The following CKAP5 variants were observed in gnomAD, a reference collection of about 807,000 sequenced individuals.
The protein encoded by CKAP5 is cytoskeleton-associated protein 5.
Under a neutral mutation model 232.8 loss-of-function variants are expected in CKAP5, and 27 were observed. The observed-to-expected ratio is 0.12, with a 90% confidence interval of 0.09 to 0.16. The LOEUF is 0.16. Among genes scored for constraint, CKAP5 ranks in the 10% least tolerant of loss-of-function variants. The pLI, the probability that CKAP5 is intolerant of heterozygous loss-of-function variation, is 1.00. For missense variants in CKAP5, 1,838 were observed against 2,424.7 expected (o/e 0.76, Z 5.08); for synonymous variants, 785 against 841.1 (o/e 0.93, Z 1.16).
chr11:46,814,603 G>A (rs1309501759), intron 4 of CKAP5, among the ~76,000 whole-genome samples: 1 of 152,138 alleles, frequency 6.6e-6, no homozygotes, highest in African/African-American at 2.4e-5. Flanking sequence ...GACAGTACTT[G>A]GGGACAGGAT....
intron 42 of CKAP5, among the ~76,000 whole-genome samples, chr11:46,749,479 AT>A (rs2065046671): frequency 6.6e-6 from 1 of 151,188 alleles, no homozygotes; most frequent in South Asian, 2.1e-4. Context: ...AAAAAAAAAA[AT>A]CTATTTGAAA....
rs540564909 is a variant in CKAP5 at position 46,744,403 on chromosome 11, G to A, written c.5856+23C>T. ...TGCTTGTGACTACCCTCCCTGAACT[G>A]CACAGAAGAAAAGGAGCAGTACCTT... On this transcript the variant is annotated intron_variant, in intron 43 of 43. Coordinates refer to ENST00000529230, the MANE Select transcript of CKAP5 (RefSeq NM_001008938.4). The A allele has an allele frequency of 1.7e-4, 267 of 1,614,140 alleles. 3 individuals are homozygous for A. In the South Asian group the frequency reaches 2.8e-3, roughly 17 times the overall value.
intron 16 of CKAP5, among the ~76,000 whole-genome samples, chr11:46,785,672 G>A (rs559417248): frequency 5.4e-4 from 82 of 151,730 alleles, no homozygotes; most frequent in African/African-American, 1.9e-3. Flanking sequence ...TGCAATTATC[G>A]CCTGGCTCAT....
At chr11:46,792,664 C>T (rs1938763788) in intron 13 of CKAP5, among the ~76,000 whole-genome samples, 1 of 152,140 alleles carries the variant, frequency 6.6e-6, no homozygotes, top group Non-Finnish European at 1.5e-5. Flanking sequence ...TGATATTGTC[C>T]TACTTATCTT....
At chr11:46,760,107 T>G (rs1305601696) in intron 33 of CKAP5, among the ~76,000 whole-genome samples, 1 of 152,224 alleles carries the variant, frequency 6.6e-6, no homozygotes, top group Non-Finnish European at 1.5e-5. Context: ...TGTATTTTAA[T>G]TAGCCTTATC....
chr11:46,759,148 C>T, intron 34 of CKAP5, 105 bp from the exon 35 acceptor site: 1 of 1,502,512 alleles, frequency 6.7e-7, no homozygotes, highest in Non-Finnish European at 9.0e-7. Flanking sequence ...TTAACAACTG[C>T]TATCATTCAA....
chr11:46,774,124 C>T (rs879887426), intron 24 of CKAP5, among the ~76,000 whole-genome samples: 4 of 152,142 alleles, frequency 2.6e-5, no homozygotes, highest in African/African-American at 7.2e-5. Context: ...TACAAAACCC[C>T]ATCCTCTCAG....
At chr11:46,765,453 TAA>T (rs2065194708) in intron 27 of CKAP5, among the ~76,000 whole-genome samples, 197 bp from the exon 28 acceptor site, 1 of 152,246 alleles carries the variant, frequency 6.6e-6, no homozygotes, top group Admixed American at 6.5e-5. Flanking sequence ...AGAATATTCT[TAA>T]GTAACTGTTG....
chr11:46,764,997 A>T, intron 28 of CKAP5, 134 bp downstream of exon 28: 1 of 719,312 alleles, frequency 1.4e-6, no homozygotes, highest in Admixed American at 3.2e-5. Context: ...CCCATAAACT[A>T]AATAATATAA....
chr11:46,771,090 C>T (rs2065243740), intron 24 of CKAP5, 108 bp from the exon 25 acceptor site: 2 of 851,560 alleles, frequency 2.3e-6, no homozygotes, highest in Non-Finnish European at 3.6e-6. Context: ...TTAGCTTTCA[C>T]ACTATAACTT....
chr11:46,814,248 A>G (rs1939348440), intron 4 of CKAP5, among the ~76,000 whole-genome samples: 1 of 152,052 alleles, frequency 6.6e-6, no homozygotes, highest in African/African-American at 2.4e-5. Flanking sequence ...TGAGTCACTA[A>G]ATTTCTAAGA....
intron 2 of CKAP5, chr11:46,820,853 T>G (rs1390777684): frequency 1.1e-5 from 2 of 177,208 alleles, no homozygotes; most frequent in African/African-American, 4.7e-5. Context: ...CTCTATATAA[T>G]AAAATATTAG....
chr11:46,817,118 A>G (rs1284241401), intron 3 of CKAP5, among the ~76,000 whole-genome samples: 1 of 151,762 alleles, frequency 6.6e-6, no homozygotes, highest in Non-Finnish European at 1.5e-5. Flanking sequence ...AAAAGAAAAA[A>G]AAAAAAAAAG....
At chr11:46,765,288 C>T in intron 27 of CKAP5, 32 bp from the exon 28 acceptor site, 1 of 1,565,618 alleles carries the variant, frequency 6.4e-7, no homozygotes, top group Non-Finnish European at 8.6e-7. Flanking sequence ...TACTGATTAG[C>T]TTGGCCACTT....
intron 1 of CKAP5, among the ~76,000 whole-genome samples, chr11:46,843,071 C>T (rs2134728484): frequency 6.6e-6 from 1 of 151,882 alleles, no homozygotes; most frequent in East Asian, 1.9e-4. Context: ...ATCACTTGAG[C>T]CCAGGAGTTC....
chr11:46,818,291 T>G lies in CKAP5; in HGVS notation c.251+19A>C, dbSNP rs765646635. On this transcript the variant is annotated intron_variant, in intron 3 of 43. Coordinates refer to ENST00000529230, the MANE Select transcript of CKAP5 (RefSeq NM_001008938.4). ...CAAACAGGGGTTTTTATCAGTAAAG[T>G]TGGAAAGAAAGTACTTACTTTCCTG... 3 of 1,555,528 alleles carry G rather than the reference T, an allele frequency of 1.9e-6. No individual in the cohort carries two copies. Among genetic ancestry groups the G allele is most frequent in the Admixed American group, 4.0e-5 (2 of 49,600 alleles).
In CKAP5 at chr11:46,793,146, T is replaced by A. The variant is rs148675443; in HGVS notation, c.1650+2448A>T. 2.8e-3 allele frequency among the ~76,000 whole-genome samples: 420 copies of A among 152,310 alleles called. 2 individuals are homozygous for A. Among genetic ancestry groups the A allele is most frequent in the African/African-American group, 9.6e-3 (398 of 41,576 alleles). On this transcript the variant is annotated intron_variant, in intron 13 of 43. Transcript: ENST00000529230. Reference sequence around the variant, plus strand: ...AACAATCAAATCAACAATAAAAATATCAGAGCATGTGTAGGACACAAACTC... The same window carrying A: ...AACAATCAAATCAACAATAAAAATAACAGAGCATGTGTAGGACACAAACTC...
At chr11:46,767,517 C>T in intron 27 of CKAP5, 58 bp downstream of exon 27, 1 of 1,032,262 alleles carries the variant, frequency 9.7e-7, no homozygotes, top group Non-Finnish European at 1.5e-6. Context: ...TAGAATGACT[C>T]AGTATATAAA....
At chr11:46,834,519 CAAAAAAAAAAAAA>C (rs35792132) in intron 1 of CKAP5, among the ~76,000 whole-genome samples, 17 of 53,582 alleles carry the variant, frequency 3.2e-4, no homozygotes, top group African/African-American at 1.2e-3. Context: ...AACTCCATCT[CAAAAAAAAAAAAA>C]AAAAAAAAAA....
Sources: gnomAD v4.1 joint callset for allele counts (sites outside exome capture counted in the v4.1 genomes callset) on GRCh38, gnomAD v4.1.1 for gene constraint, MANE v1.5 for transcripts, NCBI Gene and HGNC (gene_info 2026-07-23, HGNC 2026-07-21) for gene names.